The following LIMD1 variants were observed in gnomAD, a reference collection of about 807,000 sequenced individuals.
LIMD1 encodes LIM domain-containing protein 1.
In LIMD1, 23 loss-of-function variants were observed where a neutral mutation model predicts 58.4. That is an observed-to-expected ratio of 0.39 (90% CI 0.28 to 0.56). The LOEUF (loss-of-function observed/expected upper bound fraction) is 0.56, where lower values mean the gene tolerates loss of function less well. Among genes scored for constraint, LIMD1 ranks in the 20% least tolerant of loss-of-function variants. LIMD1 has a pLI of 0.57. For synonymous variants in LIMD1, 334 were observed against 345.5 expected (o/e 0.97, Z 0.37); for missense variants, 838 against 855.5 (o/e 0.98, Z 0.25).
At chr3:45,636,015 A>G (rs1559519668) in intron 1 of LIMD1, 135 bp from the exon 2 acceptor site, 21 of 1,533,076 alleles carry the variant, frequency 1.4e-5, no homozygotes, top group Non-Finnish European at 1.8e-5. Flanking sequence ...AGACACTTCA[A>G]ATGAGTCATC....
intron 1 of LIMD1, among the ~76,000 whole-genome samples, chr3:45,634,342 C>A (rs912001123): frequency 1.3e-5 from 2 of 152,154 alleles, no homozygotes. Context: ...GAGGGAGACT[C>A]CAAGGCCTCC....
intron 1 of LIMD1, among the ~76,000 whole-genome samples, chr3:45,613,694 C>T (rs1182444719): frequency 6.8e-6 from 1 of 147,480 alleles, no homozygotes. Context: ...TATGGGATCT[C>T]GCTATGTTGT....
chr3:45,596,346 GA>G, intron 1 of LIMD1, 59 bp downstream of exon 1: 3 of 1,332,056 alleles, frequency 2.3e-6, no homozygotes, highest in Non-Finnish European at 3.1e-6. Context: ...TGAGATTGGG[GA>G]ACATGCCCCC....
intron 1 of LIMD1, among the ~76,000 whole-genome samples, chr3:45,606,830 T>C (rs1321103480): frequency 6.6e-6 from 1 of 152,244 alleles, no homozygotes; most frequent in East Asian, 1.9e-4. Context: ...AGTCTCGCTC[T>C]GTTGCCCAGG....
intron 2 of LIMD1, among the ~76,000 whole-genome samples, chr3:45,645,117 A>G (rs2125661358): frequency 6.6e-6 from 1 of 152,354 alleles, no homozygotes; most frequent in East Asian, 1.9e-4. Flanking sequence ...CACAGGAAAG[A>G]TCAGGAAGCA....
At chr3:45,633,417 T>A (rs1188714775) in intron 1 of LIMD1, among the ~76,000 whole-genome samples, 2 of 152,172 alleles carry the variant, frequency 1.3e-5, no homozygotes, top group Non-Finnish European at 1.5e-5. Context: ...CGGAAAAAAA[T>A]AAGCCTAAGC....
In LIMD1 at chr3:45,674,555, C is replaced by T. The variant is rs185679412; in HGVS notation, c.1893+144C>T. ...GCTTCTGTAGGAAATGGAATGAAGG[C>T]TGGTTCTTGGGGGAGGTAGGAGAAG... On this transcript the variant is annotated intron_variant, in intron 7 of 7. Transcript: ENST00000273317. 3,995 of 636,492 alleles carry T rather than the reference C, an allele frequency of 6.3e-3. 61 individuals carry two copies. The highest frequency in any genetic ancestry group is 0.036 in the South Asian group (1,880 of 52,182). 39.4% of individuals were successfully genotyped at this position (636,492 alleles called of 1,614,324 possible). A position where few individuals can be genotyped will look rare whatever the true frequency, so the allele number is the denominator to read the frequency against.
intron 2 of LIMD1, among the ~76,000 whole-genome samples, chr3:45,654,605 A>G (rs12496040): frequency 1 from 152,170 of 152,170 alleles, 76,085 homozygotes; most frequent in Non-Finnish European, 1. Flanking sequence ...GAGGCAGGTG[A>G]ATAGCTTGAA....
rs1394029222 is a variant in LIMD1, at chr3:45,623,484, A to G, written c.1409-12666A>G. The stretch of plus-strand genomic sequence containing the variant: ...AAAGTATACCTACGGGCAGTCTGGC[A>G]GGGCAAGCTCAAGCTCACAGTGATT... On this transcript the variant is annotated intron_variant, in intron 1 of 7. Transcript: ENST00000273317. Among the ~76,000 whole-genome samples, 3 of 152,300 alleles carry G rather than the reference A, an allele frequency of 2.0e-5. No homozygotes were observed. In the East Asian group the frequency reaches 5.8e-4, roughly 29 times the overall value.
rs1342839958 is a variant in LIMD1, at chr3:45,639,534, CAT to C, written c.1510+3286_1510+3287del. Reference sequence around the variant, plus strand: ...GTTGAGGGCCCACTTCCCGGGCACTCATATGGTAGAAGGGGAGCTCTCTGGGA... The same window carrying C: ...GTTGAGGGCCCACTTCCCGGGCACTCATGGTAGAAGGGGAGCTCTCTGGGA... On this transcript the variant is annotated intron_variant, in intron 2 of 7. Transcript: ENST00000273317. 9.2e-5 allele frequency among the ~76,000 whole-genome samples: 14 copies of C among 152,288 alleles called. No homozygotes were observed. In the South Asian group the frequency reaches 1.0e-3, roughly 11 times the overall value.
chr3:45,640,850 G>T (rs1377793189), intron 2 of LIMD1, among the ~76,000 whole-genome samples: 3 of 152,242 alleles, frequency 2.0e-5, no homozygotes, highest in Non-Finnish European at 4.4e-5. Flanking sequence ...AAAAGTGAGT[G>T]CAGGGGCATT....
intron 2 of LIMD1, among the ~76,000 whole-genome samples, chr3:45,653,381 C>T (rs927598228): frequency 7.2e-5 from 11 of 152,142 alleles, no homozygotes; most frequent in African/African-American, 2.7e-4. Flanking sequence ...TACTGTGATC[C>T]CACTTTTATC....
chr3:45,657,268 G>T (rs974869841), intron 2 of LIMD1, among the ~76,000 whole-genome samples: 3 of 152,230 alleles, frequency 2.0e-5, no homozygotes, highest in African/African-American at 7.2e-5. Context: ...ACATCTAAAT[G>T]CCTGTCATCA....
In LIMD1 at chr3:45,595,725, C is replaced by T. The variant is rs777893785; in HGVS notation, c.846C>T (p.Asn282=). The change falls in exon 1 of 8, where the codon AAC becomes AAT. Residue 282 remains asparagine (N), a synonymous_variant. Transcript: ENST00000273317. Reference sequence around the variant, plus strand: ...GCCTGCCTTCCCCAAACTTGGAGAACGGAGCACCAGCTGTGGGGCCTGTTC... The same window carrying T: ...GCCTGCCTTCCCCAAACTTGGAGAATGGAGCACCAGCTGTGGGGCCTGTTC... ...SPGLPSPNLE[N]GAPAVGPVQP... 14 of 1,613,994 alleles carry T rather than the reference C, an allele frequency of 8.7e-6. No individual in the cohort carries two copies. Among genetic ancestry groups the T allele is most frequent in the Non-Finnish European group, 1.0e-5 (12 of 1,180,036 alleles).
At chr3:45,650,487 GCCCCCCA>G (rs1398018106) in intron 2 of LIMD1, among the ~76,000 whole-genome samples, 1 of 43,422 alleles carries the variant, frequency 2.3e-5, no homozygotes, top group Non-Finnish European at 4.8e-5. Context: ...CCCTCCCCCA[GCCCCCCA>G]CCCCCCCCAA....
Position 45,625,083 on chromosome 3 carries a change from T to G in LIMD1, c.1409-11067T>G, listed in dbSNP as rs1244411388. On this transcript the variant is annotated intron_variant, in intron 1 of 7. Coordinates refer to ENST00000273317, the MANE Select transcript of LIMD1 (RefSeq NM_014240.3). Reference sequence around the variant, plus strand: ...CAGTTTTGCCGTATGTTAATGGTTTTCAGATAATCTTCCTGGAACCACTGC... The same window carrying G: ...CAGTTTTGCCGTATGTTAATGGTTTGCAGATAATCTTCCTGGAACCACTGC... Among the ~76,000 whole-genome samples the G allele has an allele frequency of 3.0e-3, 464 of 152,222 alleles. 4 individuals are homozygous for G. The highest frequency in any genetic ancestry group is 0.01 in the African/African-American group (427 of 41,552).
chr3:45,611,860 A>C (rs1013184463), intron 1 of LIMD1, among the ~76,000 whole-genome samples: 4 of 152,204 alleles, frequency 2.6e-5, no homozygotes, highest in African/African-American at 9.7e-5. Context: ...CTCTACCCAT[A>C]GCACACAGCT....
At position 45,635,732 on chromosome 3, in the gene LIMD1, CAAAAAAAA is replaced by C. The variant is rs71095045; in HGVS notation, c.1409-397_1409-390del. 2.5e-3 allele frequency among the ~76,000 whole-genome samples: 184 copies of C among 73,792 alleles called. 2 individuals carry two copies. In the East Asian group the frequency reaches 0.057, roughly 23 times the overall value. 48.4% of individuals were successfully genotyped at this position (73,792 alleles called of 152,430 possible). On this transcript the variant is annotated intron_variant, in intron 1 of 7. Coordinates refer to ENST00000273317, the MANE Select transcript of LIMD1 (RefSeq NM_014240.3). ...GGGCAACATATCAAGATCCCCGTCT[CAAAAAAAA>C]AAAAAAAAAAAAAAAAAAAAGGGAG...
intron 2 of LIMD1, among the ~76,000 whole-genome samples, chr3:45,636,708 T>A (rs1575354152): frequency 6.6e-6 from 1 of 152,188 alleles, no homozygotes; most frequent in South Asian, 2.1e-4. Context: ...CTCCCTAACC[T>A]AATCTTTGAT....
Sources: allele counts gnomAD v4.1 joint callset (sites outside exome capture counted in the v4.1 genomes callset), GRCh38; gene constraint gnomAD v4.1.1; transcripts MANE v1.5; gene names NCBI Gene and HGNC (gene_info 2026-07-23, HGNC 2026-07-21).